The following MUC5AC variants were observed in gnomAD, a reference collection of about 807,000 sequenced individuals.
The protein encoded by MUC5AC is mucin 5AC, oligomeric mucus/gel-forming.
Under a neutral mutation model 169.7 loss-of-function variants are expected in MUC5AC, and 158 were observed. The ratio of observed to expected loss-of-function variants is 0.93; its 90% CI spans 0.82 to 1.06. The LOEUF is 1.06. Ranked by LOEUF, MUC5AC falls within the 50% of genes least tolerant of loss-of-function variation. MUC5AC has a pLI of 0.00. For missense variants in MUC5AC, 4,359 were observed against 3,089.9 expected, an observed-to-expected ratio of 1.41 and a Z score of -9.74; for synonymous variants, 1,975 against 1,237.0, an observed-to-expected ratio of 1.60 and a Z score of -12.52.
intron 36 of MUC5AC, 137 bp downstream of exon 36, chr11:1,195,416 A>G (rs1590152584): frequency 1.2e-5 from 1 of 84,856 alleles, no homozygotes; most frequent in Non-Finnish European, 2.6e-5. Context: ...CAGACCAAGG[A>G]GGGGTGGGTG....
intron 15 of MUC5AC, among the ~76,000 whole-genome samples, chr11:1,169,949 CTCACCCAT>C (rs1860451771): frequency 7.0e-6 from 1 of 143,138 alleles, no homozygotes; most frequent in African/African-American, 2.6e-5. Context: ...CACTCACCCA[CTCACCCAT>C]TCACCCACTC....
Position 1,163,952 on chromosome 11 carries a change from C to A in MUC5AC, c.750C>A (p.Asp250Glu), listed in dbSNP as rs758672991. The A allele has an allele frequency of 4.3e-6, 7 of 1,611,378 alleles. No homozygotes were observed. The highest frequency in any genetic ancestry group is 5.9e-6 in the Non-Finnish European group (7 of 1,179,374). ...KMDDPTDQCQ[D>E]PVPEPPRNCS... ...ACGACCCCACGGACCAGTGTCAGGA[C>A]CCTGTCCCTGAACCCCCGAGGAACT... The change falls in exon 7 of 49, where the codon GAC becomes GAA. Residue 250 changes from aspartate to glutamate, a missense_variant. Coordinates refer to ENST00000621226, the MANE Select transcript of MUC5AC (RefSeq NM_001304359.2).
At chr11:1,179,587 T>TAGAACATTC (rs1226222396) in intron 26 of MUC5AC, among the ~76,000 whole-genome samples, 1 of 100,288 alleles carries the variant, frequency 1.0e-5, no homozygotes, top group Non-Finnish European at 2.1e-5. Flanking sequence ...CCTGGCATGG[T>TAGAACATTC]TGGGCAGAGG....
chr11:1,190,585 C>A lies in MUC5AC; in HGVS notation c.12440C>A (p.Ser4147Tyr), dbSNP rs1861064499. The change falls in exon 31 of 49, where the codon TCT becomes TAT. Residue 4147 changes from serine (S) to tyrosine (Y), a missense_variant. By Grantham distance (144) the Ser-to-Tyr change is moderately radical. Coordinates refer to ENST00000621226, the MANE Select transcript of MUC5AC (RefSeq NM_001304359.2). ...TCAGCTCCTACACACAGAACGACTT[C>A]TGGTCCTACAACCAGCACAACCTTG... Reference protein sequence around the residue: ...TTSAPTHRTTSGPTTSTTLAP... With the variant: ...TTSAPTHRTTYGPTTSTTLAP... The A allele has an allele frequency of 1.4e-6, 1 of 695,816 alleles. No homozygotes were observed. The highest frequency in any genetic ancestry group is 2.6e-6 in the Non-Finnish European group (1 of 381,324). 43.1% of individuals were successfully genotyped at this position (695,816 alleles called of 1,614,324 possible).
At chr11:1,176,878 C>A in intron 21 of MUC5AC, 50 bp from the exon 22 acceptor site, 1 of 398,598 alleles carries the variant, frequency 2.5e-6, no homozygotes, top group South Asian at 1.3e-4. Context: ...TGCACCCAGT[C>A]AGGCAGGCAC....
chr11:1,158,154 G>GAACCCAGGGCAAA, intron 1 of MUC5AC, 82 bp downstream of exon 1: 5 of 1,321,808 alleles, frequency 3.8e-6, no homozygotes, highest in Non-Finnish European at 5.2e-6. Context: ...TCTTTGCCCT[G>GAACCCAGGGCAAA]GGTTCCGGGC....
chr11:1,199,794 G>A, intron 47 of MUC5AC, 30 bp downstream of exon 47: 2 of 727,024 alleles, frequency 2.8e-6, no homozygotes, highest in South Asian at 1.4e-5. Flanking sequence ...GGCGGGGCGG[G>A]CTCCACCCTC....
At position 1,183,584 on chromosome 11, in the gene MUC5AC, G is replaced by C. The variant is rs1490006886; in HGVS notation, c.5439G>C (p.Arg1813=). The change falls in exon 31 of 49, where the codon CGG becomes CGC. Residue 1813 remains arginine (R), a synonymous_variant. Transcript: ENST00000621226. ...EHLGQVVQCS[R]EEGLVCRNQD... is the part of the protein sequence containing the mutation. Reference sequence around the variant, plus strand: ...TGGGCCAGGTGGTGCAGTGCAGCCGGGAAGAGGGCCTGGTGTGCCGGAACC... The same window carrying C: ...TGGGCCAGGTGGTGCAGTGCAGCCGCGAAGAGGGCCTGGTGTGCCGGAACC... 9 of 645,296 alleles carry C rather than the reference G, an allele frequency of 1.4e-5. No homozygotes were observed. Among genetic ancestry groups the C allele is most frequent in the African/African-American group, 1.1e-4 (6 of 52,918 alleles). 40.0% of individuals were successfully genotyped at this position (645,296 alleles called of 1,614,324 possible). A position where few individuals can be genotyped will look rare whatever the true frequency, so the allele number is the denominator to read the frequency against.
chr11:1,159,330 G>A (rs1168403416), intron 1 of MUC5AC, among the ~76,000 whole-genome samples: 2 of 152,160 alleles, frequency 1.3e-5, no homozygotes, highest in African/African-American at 2.4e-5. Flanking sequence ...GGCTGGGCCG[G>A]GCGCCCCTCC....
Position 1,183,258 on chromosome 11 carries a change from T to G in MUC5AC, c.5113T>G (p.Phe1705Val). 2.6e-6 allele frequency: 1 copy of G among 391,376 alleles called. No homozygotes were observed. The allele number at this position is 391,376 out of a possible 1,614,324, so 24.2% of individuals were successfully genotyped here. A position where few individuals can be genotyped will look rare whatever the true frequency, so the allele number is the denominator to read the frequency against. ...HPTGAQTQTT[F>V]TTHMPSASTE... ...AACCGGAGCTCAGACCCAGACCACCTTCACCACACACATGCCCTCGGCCTC... is the reference window on the plus strand; with the variant it reads ...AACCGGAGCTCAGACCCAGACCACCGTCACCACACACATGCCCTCGGCCTC... The change falls in exon 31 of 49, where the codon TTC becomes GTC. Residue 1705 changes from phenylalanine to valine, a missense_variant. By Grantham distance (50) the Phe-to-Val change is conservative. Transcript: ENST00000621226.
Position 1,185,516 on chromosome 11 carries a change from G to A in MUC5AC, c.7371G>A (p.Thr2457=), listed in dbSNP as rs1322681712. ...GPGTTPSPVP[T]TSTTSAPTTR... The stretch of plus-strand genomic sequence containing the variant: ...GAACTACCCCAAGCCCTGTTCCCAC[G>A]ACCAGCACAACCTCTGCCCCTACAA... The change falls in exon 31 of 49, where the codon ACG becomes ACA. Residue 2457 remains threonine (T), a synonymous_variant. Transcript: ENST00000621226. 1.5e-5 allele frequency: 9 copies of A among 611,792 alleles called. 1 individual carries two copies. The highest frequency in any genetic ancestry group is 6.9e-5 in the South Asian group (4 of 57,922). 37.9% of individuals were successfully genotyped at this position (611,792 alleles called of 1,614,324 possible).
Position 1,160,689 on chromosome 11 carries a change from G to C in MUC5AC, c.151G>C (p.Gly51Arg). The change falls in exon 2 of 49, where the codon GGG (glycine) becomes CGG (arginine). Residue 51 changes from glycine (G) to arginine (R), a missense_variant and splice_region_variant. Gly to Arg is a moderately radical substitution (Grantham distance 125). Transcript: ENST00000621226. The part of the protein sequence containing the change: ...ALSPIARGPS[G>R]VPLRGATVFP... Reference sequence around the variant, plus strand: ...CTCTCCTATCGCCCGGGGGCCCAGCGGTGAGTCTGAGTGTCCGGCCCCCAC... The same window carrying C: ...CTCTCCTATCGCCCGGGGGCCCAGCCGTGAGTCTGAGTGTCCGGCCCCCAC... The C allele has an allele frequency of 6.2e-7, 1 of 1,608,854 alleles. No homozygotes were observed. Among genetic ancestry groups the C allele is most frequent in the South Asian group, 1.1e-5 (1 of 90,538 alleles).
chr11:1,192,215 T>C lies in MUC5AC; in HGVS notation c.14070T>C (p.Gly4690=), dbSNP rs61867533. 9.2e-4 allele frequency: 703 copies of C among 764,872 alleles called. 7 individuals carry two copies. The African/African-American group carries it at 9.2e-3, about 10-fold the overall frequency. 47.4% of individuals were successfully genotyped at this position (764,872 alleles called of 1,614,324 possible). A position where few individuals can be genotyped will look rare whatever the true frequency, so the allele number is the denominator to read the frequency against. The change falls in exon 31 of 49, where the codon GGT becomes GGC. Residue 4690 remains glycine (G), a synonymous_variant. Coordinates refer to ENST00000621226, the MANE Select transcript of MUC5AC (RefSeq NM_001304359.2). ...SHPEVNIEHL[G]QVVQCSREEG... ...CGGAGGTGAACATTGAACACCTGGGTCAGGTGGTGCAGTGCAGCCGTGAAG... is the reference window on the plus strand; with the variant it reads ...CGGAGGTGAACATTGAACACCTGGGCCAGGTGGTGCAGTGCAGCCGTGAAG...
Position 1,189,468 on chromosome 11 carries a change from A to G in MUC5AC, c.11323A>G (p.Thr3775Ala). Residue 3775 changes from threonine to alanine, a missense_variant, in exon 31 of 49, where the codon ACA becomes GCA. By Grantham distance (58) the Thr-to-Ala change is moderately conservative. Transcript: ENST00000621226. ...CACTTCCTCGGCTCCTACAACCAACACAACCTCTGCCCCTACAACTAGCAC... is the reference window on the plus strand; with the variant it reads ...CACTTCCTCGGCTCCTACAACCAACGCAACCTCTGCCCCTACAACTAGCAC... ...TSTSSAPTTN[T>A]TSAPTTSTTS... 1.7e-6 allele frequency: 1 copy of G among 575,614 alleles called. No individual in the cohort carries two copies. The highest frequency in any genetic ancestry group is 3.1e-6 in the Non-Finnish European group (1 of 324,592). The allele number at this position is 575,614 out of a possible 1,614,324, so 35.7% of individuals were successfully genotyped here.
At chr11:1,162,442 C>A in intron 4 of MUC5AC, 90 bp from the exon 5 acceptor site, 14 of 1,219,354 alleles carry the variant, frequency 1.1e-5, no homozygotes, top group Non-Finnish European at 1.7e-5. Context: ...GTCACGATGA[C>A]CGTGTCACAT....
rs752344679 is a variant in MUC5AC, at chr11:1,161,508, C to T, written c.152-19C>T. 43 of 1,578,978 alleles carry T rather than the reference C, an allele frequency of 2.7e-5. No homozygotes were observed. The highest frequency in any genetic ancestry group is 1.4e-4 in the Admixed American group (8 of 56,712). ...CACGTGGGGCCGTGCGTGAATCCTA[C>T]CAGCCCCTGTCTCCGCAGGGGTCCC... On this transcript the variant is annotated intron_variant, in intron 2 of 48. Transcript: ENST00000621226.
rs1860684116 is a variant in MUC5AC, at chr11:1,176,205, CAG to C, written c.2457_2458del (p.Ala821TrpfsTer48). ...TGCCGAAATGCCACGCCCGGGGACA[CAG>C]GGGCTGGCTGTCAGAAGAGCTGCCA... On this transcript the variant is annotated frameshift_variant, in exon 20 of 49. Coordinates refer to ENST00000621226, the MANE Select transcript of MUC5AC (RefSeq NM_001304359.2). LOFTEE classifies it high-confidence loss of function. 1.3e-5 allele frequency: 5 copies of C among 398,578 alleles called. No individual in the cohort carries two copies. Among genetic ancestry groups the C allele is most frequent in the African/African-American group, 4.1e-5 (2 of 48,626 alleles). 24.7% of individuals were successfully genotyped at this position (398,578 alleles called of 1,614,324 possible). A position where few individuals can be genotyped will look rare whatever the true frequency, so the allele number is the denominator to read the frequency against.
rs1216899599 is a variant in MUC5AC at position 1,187,107 on chromosome 11, A to G, written c.8962A>G (p.Thr2988Ala). 4.8e-5 allele frequency: 35 copies of G among 730,890 alleles called. No homozygotes were observed. The highest frequency in any genetic ancestry group is 8.0e-5 in the Non-Finnish European group (32 of 401,546). 45.3% of individuals were successfully genotyped at this position (730,890 alleles called of 1,614,324 possible). ...TCCCAGCCCTGTTCCCACCACCAGC[A>G]CAACCTCTGCTCCCACAACAAGCAC... is the stretch of plus-strand genomic sequence containing the variant. ...TTPSPVPTTS[T>A]TSAPTTSTTS... Residue 2988 changes from threonine to alanine, a missense_variant, in exon 31 of 49, where the codon ACA becomes GCA. Coordinates refer to ENST00000621226, the MANE Select transcript of MUC5AC (RefSeq NM_001304359.2).
chr11:1,181,591 G>A (rs1421156127), intron 30 of MUC5AC, 132 bp downstream of exon 30: 6 of 397,570 alleles, frequency 1.5e-5, no homozygotes, highest in African/African-American at 1.0e-4. Flanking sequence ...AGAAGGGATC[G>A]AGGAGCAGGG....
Sources: allele counts gnomAD v4.1 joint callset (sites outside exome capture counted in the v4.1 genomes callset), GRCh38; gene constraint gnomAD v4.1.1; transcripts MANE v1.5; gene names NCBI Gene and HGNC (gene_info 2026-07-23, HGNC 2026-07-21).